Variants in MAGI1 observed in about 807,000 individuals in gnomAD.
MAGI1 encodes membrane-associated guanylate kinase, WW and PDZ domain-containing protein 1.
MAGI1 carries 58 observed loss-of-function variants against 139.9 expected under a neutral mutation model. The ratio of observed to expected loss-of-function variants is 0.41; its 90% confidence interval spans 0.34 to 0.52. The LOEUF is 0.52. Among genes scored for constraint, MAGI1 ranks in the 20% least tolerant of loss-of-function variants. The pLI is 0.12. For synonymous variants in MAGI1, 812 were observed against 737.9 expected (o/e 1.10, Z -1.63); for missense variants, 1,874 against 1,901.6 (o/e 0.99, Z 0.27).
chr3:65,505,965 T>C (rs1230998518), intron 2 of MAGI1, among the ~76,000 whole-genome samples: 2 of 152,196 alleles, frequency 1.3e-5, no homozygotes, highest in Non-Finnish European at 2.9e-5. Context: ...TAATTTACTC[T>C]TCATCAATTT....
intron 12 of MAGI1, among the ~76,000 whole-genome samples, chr3:65,408,896 G>A (rs1945558408): frequency 6.6e-6 from 1 of 152,152 alleles, no homozygotes; most frequent in Non-Finnish European, 1.5e-5. Context: ...GACCTACAGG[G>A]TCCTGCTTTC....
chr3:65,505,637 A>AAAT (rs142787163), intron 2 of MAGI1, among the ~76,000 whole-genome samples: 4,779 of 144,296 alleles, frequency 0.033, 146 homozygotes, highest in African/African-American at 0.072. Context: ...ACAAAGTCTA[A>AAAT]AATAATAATA....
chr3:65,804,756 A>C (rs2040740941), intron 1 of MAGI1, among the ~76,000 whole-genome samples: 1 of 152,186 alleles, frequency 6.6e-6, no homozygotes, highest in Admixed American at 6.6e-5. Context: ...CCAATGGAAC[A>C]GAATAGAGAT....
At position 65,381,865 on chromosome 3, in the gene MAGI1, T is replaced by C. The variant is rs1943084212; in HGVS notation, c.2701+12A>G. On this transcript the variant is annotated intron_variant, in intron 16 of 22. Coordinates refer to ENST00000402939, the MANE Select transcript of MAGI1 (RefSeq NM_001033057.2). ...ACAACGCACTGTCTGAAGGAATGAA[T>C]GAAATACATACCCGCAAAAACCACT... The C allele has an allele frequency of 1.9e-6, 3 of 1,600,572 alleles. No homozygotes were observed. Among genetic ancestry groups the C allele is most frequent in the Non-Finnish European group, 2.6e-6 (3 of 1,173,328 alleles).
intron 3 of MAGI1, among the ~76,000 whole-genome samples, chr3:65,488,510 T>C (rs1951772570): frequency 1.5e-5 from 1 of 68,392 alleles, no homozygotes; most frequent in Admixed American, 1.4e-4. Flanking sequence ...CTAATTTTTA[T>C]ATTTTTTTTT....
intron 1 of MAGI1, among the ~76,000 whole-genome samples, chr3:65,984,512 ATGTGTGTGTG>A (rs34046056): frequency 0.09 from 12,642 of 140,400 alleles, 646 homozygotes; most frequent in South Asian, 0.13. Flanking sequence ...TCAAAATAAA[ATGTGTGTGTG>A]TGTGTGTGTG....
chr3:65,784,624 GAACCA>G (rs1190070290), intron 1 of MAGI1, among the ~76,000 whole-genome samples: 2 of 152,134 alleles, frequency 1.3e-5, no homozygotes, highest in Non-Finnish European at 2.9e-5. Flanking sequence ...AGAATGGCGT[GAACCA>G]AGAAGGCGGA....
In MAGI1 at chr3:65,525,677, T is replaced by G. The variant is rs576037070; in HGVS notation, c.431-32046A>C. Among the ~76,000 whole-genome samples, 8 of 152,328 alleles carry G rather than the reference T, an allele frequency of 5.3e-5. No individual in the cohort carries two copies. In the East Asian group the frequency reaches 1.5e-3, roughly 29 times the overall value. ...TTCAATTACAGTCACAGAGAGCCCCTGAGTTGTAAAAATTTATGAAAAAAC... is the reference window on the plus strand; with the variant it reads ...TTCAATTACAGTCACAGAGAGCCCCGGAGTTGTAAAAATTTATGAAAAAAC... On this transcript the variant is annotated intron_variant, in intron 2 of 22. Transcript: ENST00000402939.
chr3:65,530,627 GTGT>G (rs2078608432), intron 2 of MAGI1, among the ~76,000 whole-genome samples: 7 of 1,160 alleles, frequency 6.0e-3, no homozygotes, highest in East Asian at 0.045. Flanking sequence ...TGTGTGTGGT[GTGT>G]GTGTGTGTGT....
chr3:65,772,375 CA>C (rs2038027134), intron 1 of MAGI1, among the ~76,000 whole-genome samples: 1 of 152,064 alleles, frequency 6.6e-6, no homozygotes, highest in African/African-American at 2.4e-5. Context: ...TGCACTGATT[CA>C]GGGGGGACTT....
intron 1 of MAGI1, among the ~76,000 whole-genome samples, chr3:65,967,203 T>TA (rs1275437154): frequency 1.3e-5 from 2 of 152,190 alleles, no homozygotes; most frequent in East Asian, 3.9e-4. Context: ...GACAGAGTGA[T>TA]AGACAGTTGG....
intron 1 of MAGI1, among the ~76,000 whole-genome samples, chr3:65,884,430 T>C (rs1276467118): frequency 2.0e-5 from 3 of 152,130 alleles, no homozygotes; most frequent in Admixed American, 1.3e-4. Context: ...AGGTGAACAA[T>C]GGCCAAAAAG....
rs2080607962 is a variant in MAGI1 at position 65,565,981 on chromosome 3, T to C, written c.430+55991A>G. 2.0e-5 allele frequency among the ~76,000 whole-genome samples: 3 copies of C among 152,016 alleles called. 1 individual carries two copies. The highest frequency in any genetic ancestry group is 6.5e-5 in the Admixed American group (1 of 15,270). ...GAAAAACGTCATAATATTTTAAGTT[T>C]GTGGTGGCTCACGCCTATAATCCCA... On this transcript the variant is annotated intron_variant, in intron 2 of 22. Coordinates refer to ENST00000402939, the MANE Select transcript of MAGI1 (RefSeq NM_001033057.2).
At chr3:65,394,168 G>C (rs747525129) in intron 13 of MAGI1, among the ~76,000 whole-genome samples, 21 of 152,146 alleles carry the variant, frequency 1.4e-4, no homozygotes, top group Non-Finnish European at 2.6e-4. Context: ...TTTAACTGAA[G>C]AGATGGTTCC....
At chr3:65,765,079 C>T (rs1358077164) in intron 1 of MAGI1, among the ~76,000 whole-genome samples, 2 of 152,202 alleles carry the variant, frequency 1.3e-5, no homozygotes, top group Non-Finnish European at 2.9e-5. Flanking sequence ...GTAAGGAATG[C>T]ATCCTTCCCA....
intron 1 of MAGI1, among the ~76,000 whole-genome samples, chr3:65,774,206 G>A: frequency 6.6e-6 from 1 of 151,956 alleles, no homozygotes; most frequent in Non-Finnish European, 1.5e-5. Context: ...TATAATTCCG[G>A]CTAAACCAAA....
chr3:65,553,249 A>G (rs2079933117), intron 2 of MAGI1, among the ~76,000 whole-genome samples: 1 of 152,048 alleles, frequency 6.6e-6, no homozygotes, highest in Admixed American at 6.6e-5. Context: ...TTGGAGTGTA[A>G]GTAGCTAGAG....
chr3:65,669,770 T>G (rs1193998459), intron 1 of MAGI1, among the ~76,000 whole-genome samples: 1 of 152,332 alleles, frequency 6.6e-6, no homozygotes, highest in Admixed American at 6.5e-5. Flanking sequence ...TTTTGGCACC[T>G]ATCCAGTGGA....
chr3:65,386,247 GAAAA>G lies in MAGI1; in HGVS notation c.2417-2628_2417-2625del, dbSNP rs4016249. ...CTTATCACACCGTTTAGGCCACATG[GAAAA>G]AAAAAAAAAAAAGCTTCGTTTCCTT... On this transcript the variant is annotated intron_variant, in intron 14 of 22. Coordinates refer to ENST00000402939, the MANE Select transcript of MAGI1 (RefSeq NM_001033057.2). 5.5e-3 allele frequency among the ~76,000 whole-genome samples: 803 copies of G among 145,860 alleles called. 54 individuals are homozygous for G. In the East Asian group the frequency reaches 0.13, roughly 24 times the overall value.
Sources: gnomAD v4.1 joint callset for allele counts (sites outside exome capture counted in the v4.1 genomes callset) on GRCh38, gnomAD v4.1.1 for gene constraint, MANE v1.5 for transcripts, NCBI Gene and HGNC (gene_info 2026-07-23, HGNC 2026-07-21) for gene names.